The following PABPC1L variants were observed in gnomAD, a reference collection of about 807,000 sequenced individuals.
The protein encoded by PABPC1L is polyadenylate-binding protein 1-like.
In PABPC1L, 31 loss-of-function variants were observed where a neutral mutation model predicts 66.6. The ratio of observed to expected loss-of-function variants is 0.47; its 90% CI spans 0.35 to 0.63. The LOEUF (loss-of-function observed/expected upper bound fraction) is 0.63. Among genes scored for constraint, PABPC1L ranks in the 20% least tolerant of loss-of-function variants. PABPC1L has a pLI of 0.00. For missense variants in PABPC1L, 722 were observed against 848.8 expected, an observed-to-expected ratio of 0.85 and a Z score of 1.86; for synonymous variants, 348 against 335.1, an observed-to-expected ratio of 1.04 and a Z score of -0.42.
chr20:44,930,358 C>A, intron 7 of PABPC1L, 102 bp from the exon 8 acceptor site: 5 of 1,452,834 alleles, frequency 3.4e-6, no homozygotes, highest in Non-Finnish European at 4.7e-6. Flanking sequence ...TTCTCGCGGG[C>A]CTGCCCAGTG....
intron 10 of PABPC1L, among the ~76,000 whole-genome samples, chr20:44,934,765 G>A (rs919216895): frequency 6.6e-6 from 1 of 152,142 alleles, no homozygotes; most frequent in African/African-American, 2.4e-5. Context: ...TGTGAATAAT[G>A]CTGCTGTGAA....
chr20:44,935,070 GAAA>G (rs576914712), intron 10 of PABPC1L, among the ~76,000 whole-genome samples: 1 of 130,096 alleles, frequency 7.7e-6, no homozygotes, highest in Admixed American at 7.9e-5. Flanking sequence ...TCTGTCTCAG[GAAA>G]AAAAAAAAAA....
chr20:44,936,366 T>C (rs906853117), intron 11 of PABPC1L, among the ~76,000 whole-genome samples: 5 of 152,216 alleles, frequency 3.3e-5, no homozygotes, highest in African/African-American at 1.2e-4. Flanking sequence ...CACAAAGTTA[T>C]TGGTAACACA....
Position 44,925,908 on chromosome 20 carries a change from G to A in PABPC1L, c.972+1652G>A, listed in dbSNP as rs1475440490. ...ACCCCAGTCCTACCATTACCTAGCTGTAGAAACTGAGGCAAGTGGCTTTGC... is the reference window on the plus strand; with the variant it reads ...ACCCCAGTCCTACCATTACCTAGCTATAGAAACTGAGGCAAGTGGCTTTGC... On this transcript the variant is annotated intron_variant, in intron 7 of 14. Transcript: ENST00000217073. 2.6e-5 allele frequency among the ~76,000 whole-genome samples: 4 copies of A among 152,190 alleles called. No homozygotes were observed. In the East Asian group the frequency reaches 7.7e-4, roughly 29 times the overall value.
intron 12 of PABPC1L, chr20:44,936,984 G>A: frequency 1.7e-6 from 1 of 595,124 alleles, no homozygotes; most frequent in Non-Finnish European, 3.3e-6. Context: ...GAGGTTGGGA[G>A]ACAGTCCAGA....
At chr20:44,931,705 A>T (rs1193668252) in intron 8 of PABPC1L, 2 of 152,106 alleles carry the variant, frequency 1.3e-5, no homozygotes, top group Non-Finnish European at 2.9e-5. Context: ...CATGTTGGCC[A>T]GGCTGGTCTT....
intron 4 of PABPC1L, 60 bp downstream of exon 4, chr20:44,919,105 T>C: frequency 6.2e-7 from 1 of 1,613,130 alleles, no homozygotes; most frequent in Non-Finnish European, 8.5e-7. Context: ...TTCCAAAGTC[T>C]GGTAGGGAGG....
chr20:44,928,994 C>T (rs925625862), intron 7 of PABPC1L, among the ~76,000 whole-genome samples: 3 of 151,814 alleles, frequency 2.0e-5, no homozygotes, highest in African/African-American at 4.8e-5. Context: ...AACCCAGGGC[C>T]AGGTGTGGTG....
intron 6 of PABPC1L, among the ~76,000 whole-genome samples, chr20:44,922,431 T>C (rs2066780574): frequency 6.6e-6 from 1 of 151,884 alleles, no homozygotes; most frequent in African/African-American, 2.4e-5. Context: ...AGAGACAGGG[T>C]TTCACCATGT....
chr20:44,934,230 C>G (rs1418348360), intron 10 of PABPC1L, among the ~76,000 whole-genome samples: 6 of 152,230 alleles, frequency 3.9e-5, no homozygotes, highest in Admixed American at 3.9e-4. Context: ...AAGCTCAGCA[C>G]TGGAGGTTCT....
chr20:44,938,259 T>G (rs923992114), intron 13 of PABPC1L, 68 bp downstream of exon 13: 1 of 1,557,848 alleles, frequency 6.4e-7, no homozygotes, highest in African/African-American at 1.4e-5. Flanking sequence ...AGGGCTCTCC[T>G]AGTGGAGCCA....
At chr20:44,917,862 C>T (rs957878521) in intron 3 of PABPC1L, among the ~76,000 whole-genome samples, 6 of 152,132 alleles carry the variant, frequency 3.9e-5, no homozygotes, top group Non-Finnish European at 8.8e-5. Flanking sequence ...TTCGTTAGCT[C>T]CAATTTACTC....
Position 44,916,854 on chromosome 20 carries a change from G to A in PABPC1L, c.486G>A (p.Leu162=). ...QQAINTMNGM[L]LNDRKVFVGH... The stretch of plus-strand genomic sequence containing the variant: ...CCATCAACACCATGAATGGGATGCT[G>A]CTGAATGACCGCAAAGTGTGAGTGG... Residue 162 remains leucine (L), a synonymous_variant, in exon 3 of 15, where the codon CTG becomes CTA. Coordinates refer to ENST00000217073, the MANE Select transcript of PABPC1L (RefSeq NM_001372179.1). The A allele has an allele frequency of 1.9e-6, 3 of 1,614,134 alleles. No individual in the cohort carries two copies. The highest frequency in any genetic ancestry group is 2.5e-6 in the Non-Finnish European group (3 of 1,180,010).
At chr20:44,921,302 C>T (rs1169928413) in intron 5 of PABPC1L, among the ~76,000 whole-genome samples, 1 of 152,118 alleles carries the variant, frequency 6.6e-6, no homozygotes, top group Non-Finnish European at 1.5e-5. Flanking sequence ...GCATGTGCTT[C>T]CATGCCTGGC....
chr20:44,912,576 C>A, intron 1 of PABPC1L, 84 bp from the exon 2 acceptor site: 1 of 1,192,420 alleles, frequency 8.4e-7, no homozygotes, highest in East Asian at 2.5e-5. Context: ...TTATTGGCTC[C>A]CAGTTAAGCA....
chr20:44,933,714 A>G (rs1247268454), intron 10 of PABPC1L, among the ~76,000 whole-genome samples: 3 of 144,830 alleles, frequency 2.1e-5, no homozygotes, highest in African/African-American at 2.6e-5. Flanking sequence ...CAAAGTGCTG[A>G]GATTACAGGC....
chr20:44,931,157 C>CTCCTTCCTTCTT (rs1415248831), intron 8 of PABPC1L, among the ~76,000 whole-genome samples: 1 of 134,490 alleles, frequency 7.4e-6, no homozygotes, highest in African/African-American at 3.0e-5. Flanking sequence ...GTGATCATGG[C>CTCCTTCCTTCTT]TCCTTCCTTC....
intron 5 of PABPC1L, among the ~76,000 whole-genome samples, chr20:44,919,573 G>T (rs1020597793): frequency 6.6e-6 from 1 of 152,188 alleles, no homozygotes; most frequent in African/African-American, 2.4e-5. Context: ...AGTTTCCACC[G>T]GGTGTGGTGG....
At chr20:44,921,243 A>G (rs999585190) in intron 5 of PABPC1L, among the ~76,000 whole-genome samples, 2 of 148,694 alleles carry the variant, frequency 1.3e-5, no homozygotes, top group African/African-American at 5.0e-5. Context: ...TCCACCTCCC[A>G]GGTTCAACGA....
Sources: gnomAD v4.1 joint callset for allele counts (sites outside exome capture counted in the v4.1 genomes callset) on GRCh38, gnomAD v4.1.1 for gene constraint, MANE v1.5 for transcripts, NCBI Gene and HGNC (gene_info 2026-07-23, HGNC 2026-07-21) for gene names.